Variants in RAPGEF5 observed in about 807,000 individuals in gnomAD.
RAPGEF5 encodes the protein M-Ras-regulated GEF.
RAPGEF5 carries 65 observed loss-of-function variants against 125.2 expected under a neutral mutation model. The ratio of observed to expected loss-of-function variants is 0.52; its 90% CI spans 0.43 to 0.64. The LOEUF (loss-of-function observed/expected upper bound fraction) is 0.64. Ranked by LOEUF, RAPGEF5 falls within the 30% of genes least tolerant of loss-of-function variation. The probability of loss-of-function intolerance (pLI) is 0.00; values close to 1 mark genes in which losing one functional copy is unlikely to be tolerated. For missense variants in RAPGEF5, 958 were observed against 1,048.1 expected (o/e 0.91, Z 1.19); for synonymous variants, 391 against 385.9 (o/e 1.01, Z -0.16).
intron 7 of RAPGEF5, among the ~76,000 whole-genome samples, chr7:22,240,054 C>CA (rs1248339285): frequency 6.6e-6 from 1 of 151,558 alleles, no homozygotes; most frequent in African/African-American, 2.4e-5. Flanking sequence ...ACTAAAAATA[C>CA]AAAAAATTAG....
Position 22,119,873 on chromosome 7 carries a change from T to C in RAPGEF5, c.*2533A>G, listed in dbSNP as rs943554207. 2 of 152,178 alleles carry C rather than the reference T, an allele frequency of 1.3e-5. No individual in the cohort carries two copies. Among genetic ancestry groups the C allele is most frequent in the Admixed American group, 6.5e-5 (1 of 15,284 alleles). The allele number at this position is 152,178 out of a possible 1,614,324, so 9.4% of individuals were successfully genotyped here. ...CAGAGAGGGTGCATGGCCCATCCTA[T>C]TAACAAGGAGCACTCAAGCCCCACC... On this transcript the variant is annotated 3_prime_UTR_variant, in exon 26 of 26. Coordinates refer to ENST00000665637, the MANE Select transcript of RAPGEF5 (RefSeq NM_012294.5). The surrounding 1 kb of genome is among the most constrained non-coding windows in gnomAD (Gnocchi z 4.1).
intron 5 of RAPGEF5, 53 bp downstream of exon 5, chr7:22,308,286 G>T: frequency 6.7e-7 from 1 of 1,482,558 alleles, no homozygotes; most frequent in East Asian, 2.5e-5. Flanking sequence ...CCTAGACATG[G>T]TAAATGTTGT....
chr7:22,198,619 A>T (rs1785206610), intron 9 of RAPGEF5, among the ~76,000 whole-genome samples: 2 of 152,172 alleles, frequency 1.3e-5, no homozygotes, highest in Admixed American at 1.3e-4. Flanking sequence ...ATGACAACTC[A>T]AGAACTAAGG....
intron 1 of RAPGEF5, chr7:22,356,059 G>A (rs1211563741): frequency 1.0e-6 from 1 of 985,244 alleles, no homozygotes; most frequent in African/African-American, 1.7e-5. Context: ...GGGCCTCCTA[G>A]GTGGCTTCTT....
rs556388457 is a variant in RAPGEF5, at chr7:22,332,784, A to G, written c.232-14747T>C. Among the ~76,000 whole-genome samples the G allele has an allele frequency of 7.9e-5, 12 of 152,330 alleles. No individual in the cohort carries two copies. In the South Asian group the frequency reaches 2.5e-3, roughly 32 times the overall value. ...CTCACAATCACAGTCCTATTAACCA[A>G]CAGGTGGCACATTAAATCTTTAGCC... On this transcript the variant is annotated intron_variant, in intron 1 of 25. Transcript: ENST00000665637.
In RAPGEF5 at chr7:22,281,324, A is replaced by AC. The variant is rs566202669; in HGVS notation, c.747+9850dup. Among the ~76,000 whole-genome samples the AC allele has an allele frequency of 1.9e-3, 289 of 152,164 alleles. 1 individual carries two copies. The highest frequency in any genetic ancestry group is 6.4e-3 in the African/African-American group (267 of 41,524). On this transcript the variant is annotated intron_variant, in intron 6 of 25. Coordinates refer to ENST00000665637, the MANE Select transcript of RAPGEF5 (RefSeq NM_012294.5). ...CTTTCCGAGCTCAAGCCATCCTCCCACCTCAGCCTCCTGAGTAGCTGGGAC... is the reference window on the plus strand; with the variant it reads ...CTTTCCGAGCTCAAGCCATCCTCCCACCCTCAGCCTCCTGAGTAGCTGGGAC...
At chr7:22,336,550 T>A (rs1200502139) in intron 1 of RAPGEF5, among the ~76,000 whole-genome samples, 1 of 152,106 alleles carries the variant, frequency 6.6e-6, no homozygotes, top group African/African-American at 2.4e-5. Flanking sequence ...GTTACAATTT[T>A]AAGTACAGTG....
At chr7:22,286,901 A>T (rs1054155551) in intron 6 of RAPGEF5, among the ~76,000 whole-genome samples, 3 of 152,250 alleles carry the variant, frequency 2.0e-5, no homozygotes, top group Non-Finnish European at 4.4e-5. Flanking sequence ...GAGCTGTGTC[A>T]TTCAAAGGCC....
At chr7:22,254,760 G>T (rs533682913) in intron 7 of RAPGEF5, among the ~76,000 whole-genome samples, 1 of 152,100 alleles carries the variant, frequency 6.6e-6, no homozygotes, top group South Asian at 2.1e-4. Context: ...GGATAAAATT[G>T]TTCCACCTCA....
chr7:22,253,474 G>A (rs1207310919), intron 7 of RAPGEF5, among the ~76,000 whole-genome samples: 1 of 152,186 alleles, frequency 6.6e-6, no homozygotes, highest in African/African-American at 2.4e-5. Context: ...GGCTGTGAAA[G>A]TCTTGGGAAA....
At chr7:22,147,056 C>A in intron 18 of RAPGEF5, 37 bp from the exon 19 acceptor site, 1 of 1,605,602 alleles carries the variant, frequency 6.2e-7, no homozygotes, top group Non-Finnish European at 8.5e-7. Flanking sequence ...TCAGTAATTC[C>A]CAAATGTTTT....
chr7:22,174,407 T>C (rs558244173), intron 11 of RAPGEF5, among the ~76,000 whole-genome samples: 27 of 152,108 alleles, frequency 1.8e-4, no homozygotes, highest in Non-Finnish European at 3.1e-4. Flanking sequence ...AATTTAAAAG[T>C]CAGAAGATCT....
chr7:22,327,434 A>G (rs1783835449), intron 1 of RAPGEF5, among the ~76,000 whole-genome samples: 1 of 152,238 alleles, frequency 6.6e-6, no homozygotes, highest in African/African-American at 2.4e-5. Flanking sequence ...AACATGATGC[A>G]TTCTGTGTAG....
intron 1 of RAPGEF5, among the ~76,000 whole-genome samples, chr7:22,347,384 T>TAG (rs1784242942): frequency 6.6e-6 from 1 of 152,216 alleles, no homozygotes; most frequent in South Asian, 2.1e-4. Context: ...ATAAACTATG[T>TAG]AGCTATATTT....
chr7:22,153,822 T>C (rs1210107405), intron 17 of RAPGEF5, among the ~76,000 whole-genome samples: 1 of 152,236 alleles, frequency 6.6e-6, no homozygotes, highest in Non-Finnish European at 1.5e-5. Context: ...CATTGAGATC[T>C]GACAGGCTCC....
intron 1 of RAPGEF5, among the ~76,000 whole-genome samples, chr7:22,330,583 G>T (rs1783897846): frequency 6.6e-6 from 1 of 152,190 alleles, no homozygotes; most frequent in Non-Finnish European, 1.5e-5. Flanking sequence ...TGGCCCATTT[G>T]CTAAAGTGCT....
intron 8 of RAPGEF5, among the ~76,000 whole-genome samples, chr7:22,228,103 G>A (rs1785964082): frequency 6.6e-6 from 1 of 152,200 alleles, no homozygotes; most frequent in Non-Finnish European, 1.5e-5. Flanking sequence ...ATAACTGACA[G>A]AGGCTGATTT....
Position 22,118,924 on chromosome 7 carries a change from A to C in RAPGEF5, c.*3482T>G. ...CGCCCCCCCACCAGTTTTAAGCAAA[A>C]CTGGCCCACTCGCTAAGAAGCAGGC... On this transcript the variant is annotated 3_prime_UTR_variant, in exon 26 of 26. Transcript: ENST00000665637. 1 of 142,246 alleles carries C rather than the reference A, an allele frequency of 7.0e-6. No individual in the cohort carries two copies. 8.8% of individuals were successfully genotyped at this position (142,246 alleles called of 1,614,324 possible).
intron 1 of RAPGEF5, among the ~76,000 whole-genome samples, chr7:22,318,475 T>A (rs536951901): frequency 1.6e-4 from 24 of 152,306 alleles, no homozygotes; most frequent in African/African-American, 5.8e-4. Flanking sequence ...AAACCACAAC[T>A]AAGCAAATCT....
Sources: allele counts gnomAD v4.1 joint callset (sites outside exome capture counted in the v4.1 genomes callset), GRCh38; gene constraint gnomAD v4.1.1; non-coding constraint Gnocchi (gnomAD v3.1); transcripts MANE v1.5; gene names NCBI Gene and HGNC (gene_info 2026-07-23, HGNC 2026-07-21).